YWHAE: variants seen among roughly 807,000 people sequenced by gnomAD.
YWHAE encodes the protein 14-3-3 protein epsilon.
Under a neutral mutation model 30.1 loss-of-function variants are expected in YWHAE, and 4 were observed. That is an observed-to-expected ratio of 0.13 (90% CI 0.07 to 0.30). YWHAE has a LOEUF of 0.30. Ranked by LOEUF, YWHAE falls within the 10% of genes least tolerant of loss-of-function variation. The pLI, the probability that YWHAE is intolerant of heterozygous loss-of-function variation, is 1.00. For missense variants in YWHAE, 121 were observed against 315.9 expected (o/e 0.38, Z 4.68); for synonymous variants, 118 against 111.8 (o/e 1.06, Z -0.35).
chr17:1,366,233 TAAAATAAAAATA>T (rs972226411), intron 1 of YWHAE, among the ~76,000 whole-genome samples: 3 of 147,418 alleles, frequency 2.0e-5, no homozygotes, highest in Admixed American at 6.8e-5. Flanking sequence ...ATAGAATAAA[TAAAATAAAAATA>T]AAAATAAAAA....
chr17:1,370,509 C>T (rs1187307702), intron 1 of YWHAE, among the ~76,000 whole-genome samples: 1 of 152,010 alleles, frequency 6.6e-6, no homozygotes, highest in Non-Finnish European at 1.5e-5. Context: ...CGGCTCACTG[C>T]AGCCTCTGCC....
At chr17:1,388,108 TTTTTG>T (rs2073331090) in intron 1 of YWHAE, among the ~76,000 whole-genome samples, 2 of 46,646 alleles carry the variant, frequency 4.3e-5, no homozygotes, top group African/African-American at 1.3e-4. Context: ...TTTGTTTTTT[TTTTTG>T]GTTGGTTTTT....
rs536013709 is a variant in YWHAE at position 1,377,941 on chromosome 17, C to T, written c.65-12883G>A. ...GCGGGTGCCTGTAATCCCAGCTACTCGGGAGGCTGAGGCAGGAGAATTGCT... is the reference window on the plus strand; with the variant it reads ...GCGGGTGCCTGTAATCCCAGCTACTTGGGAGGCTGAGGCAGGAGAATTGCT... On this transcript the variant is annotated intron_variant, in intron 1 of 5. Coordinates refer to ENST00000264335, the MANE Select transcript of YWHAE (RefSeq NM_006761.5). Among the ~76,000 whole-genome samples the T allele has an allele frequency of 4.6e-5, 7 of 152,054 alleles. 1 individual carries two copies. Among genetic ancestry groups the T allele is most frequent in the African/African-American group, 1.4e-4 (6 of 41,484 alleles).
intron 1 of YWHAE, among the ~76,000 whole-genome samples, chr17:1,394,933 C>T (rs1278539430): frequency 6.6e-6 from 1 of 152,172 alleles, no homozygotes; most frequent in Admixed American, 6.5e-5. Context: ...TACCACTACA[C>T]TCCACCCTAG....
rs571967479 is a variant in YWHAE, at chr17:1,390,961, C to T, written c.64+9086G>A. On this transcript the variant is annotated intron_variant, in intron 1 of 5. Transcript: ENST00000264335. ...ACAGTTGTAACAAGATATGGGTGAG[C>T]CTTTAAATTTTTATGTGGGTATTTG... Among the ~76,000 whole-genome samples the T allele has an allele frequency of 2.2e-3, 333 of 152,180 alleles. 2 individuals carry two copies. Among genetic ancestry groups the T allele is most frequent in the African/African-American group, 7.8e-3 (324 of 41,520 alleles).
rs56351171 is a variant in YWHAE, at chr17:1,354,964, GTTTTTTTTTTTT to G, written c.579-629_579-618del. Among the ~76,000 whole-genome samples the G allele has an allele frequency of 4.7e-4, 35 of 74,740 alleles. 1 individual carries two copies. Among genetic ancestry groups the G allele is most frequent in the South Asian group, 2.2e-3 (3 of 1,394 alleles). The allele number at this position is 74,740 out of a possible 152,430, so 49.0% of individuals were successfully genotyped here. The stretch of plus-strand genomic sequence containing the variant: ...GGCGTGAGCCACCGCGCCCAGCCTA[GTTTTTTTTTTTT>G]TTTTTTTTTTTTTTTTTTTTTAAGG... On this transcript the variant is annotated intron_variant, in intron 4 of 5. Coordinates refer to ENST00000264335, the MANE Select transcript of YWHAE (RefSeq NM_006761.5).
chr17:1,373,608 T>C (rs1372171828), intron 1 of YWHAE, among the ~76,000 whole-genome samples: 48 of 151,020 alleles, frequency 3.2e-4, no homozygotes, highest in Non-Finnish European at 5.5e-4. Context: ...GCGGAGCTTG[T>C]AGTGAGTAGA....
intron 1 of YWHAE, among the ~76,000 whole-genome samples, chr17:1,374,187 G>C (rs987674496): frequency 6.6e-6 from 1 of 152,046 alleles, no homozygotes; most frequent in African/African-American, 2.4e-5. Context: ...ATGTCTAGGC[G>C]AATGTCTGTA....
intron 1 of YWHAE, among the ~76,000 whole-genome samples, chr17:1,388,106 TTTTTTTGGTTGG>T (rs1369001295): frequency 0.042 from 1,952 of 46,416 alleles, 208 homozygotes; most frequent in Admixed American, 0.072. Context: ...TTTTTGTTTT[TTTTTTTGGTTGG>T]TTTTTTTTTT....
At chr17:1,365,084 C>A in intron 1 of YWHAE, 26 bp from the exon 2 acceptor site, 1 of 1,601,132 alleles carries the variant, frequency 6.2e-7, no homozygotes, top group Non-Finnish European at 8.5e-7. Flanking sequence ...AAAAGTCAGA[C>A]CTTACAAATT....
chr17:1,399,842 C>A (rs926441312), intron 1 of YWHAE: 12 of 484,150 alleles, frequency 2.5e-5, no homozygotes, highest in African/African-American at 2.3e-4. Flanking sequence ...GAGTTGTTTG[C>A]AGTTAAGGAC....
At chr17:1,347,962 A>T in intron 5 of YWHAE, 1 of 850,724 alleles carries the variant, frequency 1.2e-6, no homozygotes, top group South Asian at 5.4e-5. Flanking sequence ...CGTGACTTAC[A>T]AAGTAGAGTT....
intron 1 of YWHAE, among the ~76,000 whole-genome samples, chr17:1,372,054 G>A (rs911289589): frequency 6.6e-6 from 1 of 151,968 alleles, no homozygotes; most frequent in Non-Finnish European, 1.5e-5. Context: ...TGGCCAGGCT[G>A]GTCTCAAACT....
intron 1 of YWHAE, 138 bp downstream of exon 1, chr17:1,399,909 G>T: frequency 9.8e-7 from 1 of 1,019,406 alleles, no homozygotes; most frequent in Non-Finnish European, 1.5e-6. Context: ...GAGCTCCCAG[G>T]CCATTTCCTG....
intron 5 of YWHAE, among the ~76,000 whole-genome samples, chr17:1,346,728 T>G (rs1394534662): frequency 1.3e-5 from 2 of 152,218 alleles, no homozygotes; most frequent in African/African-American, 4.8e-5. Context: ...GGCTCACGCC[T>G]GTAATCCCAG....
At chr17:1,361,683 G>A (rs999940036) in intron 3 of YWHAE, 14 of 473,120 alleles carry the variant, frequency 3.0e-5, no homozygotes, top group Non-Finnish European at 4.1e-5. Flanking sequence ...TTTGGGGGAG[G>A]GGAATGGGAT....
rs182887041 is a variant in YWHAE, at chr17:1,371,070, G to A, written c.65-6012C>T. Reference sequence around the variant, plus strand: ...CAGAGCTCCAGGGTGACCAAGTACTGTGTGTGAGTGTGTGGTAGTGTGTGT... The same window carrying A: ...CAGAGCTCCAGGGTGACCAAGTACTATGTGTGAGTGTGTGGTAGTGTGTGT... On this transcript the variant is annotated intron_variant, in intron 1 of 5. Coordinates refer to ENST00000264335, the MANE Select transcript of YWHAE (RefSeq NM_006761.5). 5.3e-3 allele frequency among the ~76,000 whole-genome samples: 805 copies of A among 152,052 alleles called. 3 individuals carry two copies. The highest frequency in any genetic ancestry group is 0.018 in the African/African-American group (733 of 41,434).
chr17:1,395,399 C>G (rs969229367), intron 1 of YWHAE, among the ~76,000 whole-genome samples: 8 of 151,560 alleles, frequency 5.3e-5, no homozygotes, highest in African/African-American at 1.9e-4. Flanking sequence ...TGTGGTGGCA[C>G]GCGCCTGTAG....
In YWHAE at chr17:1,348,086, A is replaced by C. The variant is rs1057197895; in HGVS notation, c.716-2587T>G. The C allele has an allele frequency of 4.2e-6, 3 of 718,488 alleles. No homozygotes were observed. In the South Asian group the frequency reaches 1.9e-4, roughly 46 times the overall value. 44.5% of individuals were successfully genotyped at this position (718,488 alleles called of 1,614,324 possible). A position where few individuals can be genotyped will look rare whatever the true frequency, so the allele number is the denominator to read the frequency against. ...AAGAAAAATAAACCAACAGAGCAGG[A>C]CAAAGGAAAACAATGATACAGGAGC... On this transcript the variant is annotated intron_variant, in intron 5 of 5. Coordinates refer to ENST00000264335, the MANE Select transcript of YWHAE (RefSeq NM_006761.5).
Sources: gnomAD v4.1 joint callset for allele counts (sites outside exome capture counted in the v4.1 genomes callset) on GRCh38, gnomAD v4.1.1 for gene constraint, MANE v1.5 for transcripts, NCBI Gene and HGNC (gene_info 2026-07-23, HGNC 2026-07-21) for gene names.